The following FUT9 variants were observed in gnomAD, a reference collection of about 807,000 sequenced individuals.
FUT9 encodes the protein 4-galactosyl-N-acetylglucosaminide 3-alpha-L-fucosyltransferase 9.
In FUT9, 15 loss-of-function variants were observed where a neutral mutation model predicts 29.7. That is an observed-to-expected ratio of 0.51 (90% confidence interval 0.34 to 0.78). The LOEUF (loss-of-function observed/expected upper bound fraction) is 0.78, where lower values mean the gene tolerates loss of function less well. Ranked by LOEUF, FUT9 falls within the 30% of genes least tolerant of loss-of-function variation. The pLI, the probability that FUT9 is intolerant of heterozygous loss-of-function variation, is 0.01. For missense variants in FUT9, 319 were observed against 425.4 expected (o/e 0.75, Z 2.20); for synonymous variants, 169 against 153.7 (o/e 1.10, Z -0.74).
intron 1 of FUT9, among the ~76,000 whole-genome samples, chr6:96,056,021 GTCT>G (rs3079047): frequency 0.55 from 82,723 of 151,694 alleles, 22,647 homozygotes; most frequent in South Asian, 0.63. Context: ...TGCATTTGAA[GTCT>G]TCTTCTATTT....
chr6:96,098,165 A>C (rs1178014047), intron 1 of FUT9, among the ~76,000 whole-genome samples: 1 of 152,098 alleles, frequency 6.6e-6, no homozygotes, highest in Non-Finnish European at 1.5e-5. Flanking sequence ...TAGTTATTTT[A>C]GTTGCTTCTT....
At chr6:96,076,477 C>T (rs369614795) in intron 1 of FUT9, among the ~76,000 whole-genome samples, 1 of 152,104 alleles carries the variant, frequency 6.6e-6, no homozygotes, top group Admixed American at 6.6e-5. Flanking sequence ...TTTGAGTTTT[C>T]ACCTAAAATA....
chr6:96,023,612 A>G (rs1194229425), intron 1 of FUT9, among the ~76,000 whole-genome samples: 1 of 151,902 alleles, frequency 6.6e-6, no homozygotes, highest in Non-Finnish European at 1.5e-5. Flanking sequence ...AAAAGCTGGT[A>G]CTGGCACAGT....
At chr6:96,031,051 C>T (rs543813580) in intron 1 of FUT9, among the ~76,000 whole-genome samples, 1 of 151,414 alleles carries the variant, frequency 6.6e-6, no homozygotes, top group East Asian at 2.0e-4. Flanking sequence ...GAACTTGCCA[C>T]TTTAAAAAGA....
intron 1 of FUT9, among the ~76,000 whole-genome samples, chr6:96,029,965 C>T (rs1373258717): frequency 6.6e-6 from 1 of 151,496 alleles, no homozygotes; most frequent in African/African-American, 2.4e-5. Flanking sequence ...TATGGTGCAG[C>T]TAAGAACAGA....
intron 1 of FUT9, among the ~76,000 whole-genome samples, chr6:96,022,697 C>T (rs546294496): frequency 2.3e-4 from 35 of 151,894 alleles, no homozygotes; most frequent in Non-Finnish European, 4.3e-4. Flanking sequence ...ATTTTATAAG[C>T]GAGGTTCATA....
At chr6:96,189,487 T>A (rs1011095692) in intron 2 of FUT9, among the ~76,000 whole-genome samples, 1 of 152,146 alleles carries the variant, frequency 6.6e-6, no homozygotes, top group Non-Finnish European at 1.5e-5. Flanking sequence ...TTAGTGTACA[T>A]CTAATGTTGA....
Position 96,213,889 on chromosome 6 carries a change from T to C in FUT9, c.*9654T>C, listed in dbSNP as rs1448913026. 6.0e-6 allele frequency: 1 copy of C among 166,944 alleles called. No individual in the cohort carries two copies. The highest frequency in any genetic ancestry group is 1.5e-5 in the Non-Finnish European group (1 of 68,026). 10.3% of individuals were successfully genotyped at this position (166,944 alleles called of 1,614,324 possible). A position where few individuals can be genotyped will look rare whatever the true frequency, so the allele number is the denominator to read the frequency against. On this transcript the variant is annotated 3_prime_UTR_variant, in exon 3 of 3. Coordinates refer to ENST00000302103, the MANE Select transcript of FUT9 (RefSeq NM_006581.4). ...TATGACTATATTAAGGTTGTGTTTA[T>C]ATTAGGTGAAAAATTGCATGCAATT... is the stretch of plus-strand genomic sequence containing the variant.
At chr6:96,038,671 T>C (rs551141821) in intron 1 of FUT9, among the ~76,000 whole-genome samples, 1 of 152,312 alleles carries the variant, frequency 6.6e-6, no homozygotes, top group African/African-American at 2.4e-5. Flanking sequence ...GTCCAATCTA[T>C]TCTTCAACAT....
intron 2 of FUT9, among the ~76,000 whole-genome samples, chr6:96,166,971 T>G (rs1025412075): frequency 2.0e-5 from 3 of 152,178 alleles, no homozygotes; most frequent in Non-Finnish European, 2.9e-5. Context: ...TACAGATGCA[T>G]TTTTTAAAAA....
chr6:96,048,454 G>C (rs1373548379), intron 1 of FUT9, among the ~76,000 whole-genome samples: 1 of 152,160 alleles, frequency 6.6e-6, no homozygotes, highest in African/African-American at 2.4e-5. Context: ...TTTGTAGCTT[G>C]AGCTTGAGAA....
rs962667469 is a variant in FUT9, at chr6:96,206,128, A to G, written c.*1893A>G. The G allele has an allele frequency of 3.8e-4, 64 of 167,072 alleles. 1 individual carries two copies. Among genetic ancestry groups the G allele is most frequent in the Non-Finnish European group, 1.5e-4 (10 of 68,114 alleles). The allele number at this position is 167,072 out of a possible 1,614,324, so 10.3% of individuals were successfully genotyped here. A position where few individuals can be genotyped will look rare whatever the true frequency, so the allele number is the denominator to read the frequency against. ...ATGTGCTACTCCGAATGACGTTTGTATGGGTCAATGCTGATTTAATGGGGA... is the reference window on the plus strand; with the variant it reads ...ATGTGCTACTCCGAATGACGTTTGTGTGGGTCAATGCTGATTTAATGGGGA... On this transcript the variant is annotated 3_prime_UTR_variant, in exon 3 of 3. Coordinates refer to ENST00000302103, the MANE Select transcript of FUT9 (RefSeq NM_006581.4).
chr6:96,167,288 C>T (rs76257616), intron 2 of FUT9, among the ~76,000 whole-genome samples: 2,728 of 152,160 alleles, frequency 0.018, 88 homozygotes, highest in African/African-American at 0.061. Context: ...TTGAAAATGT[C>T]TAAATCAAAT....
chr6:96,203,166 C>T lies in FUT9; in HGVS notation c.11C>T (p.Thr4Ile), dbSNP rs1412057817. The T allele has an allele frequency of 6.3e-7, 1 of 1,593,744 alleles. No individual in the cohort carries two copies. The highest frequency in any genetic ancestry group is 8.6e-7 in the Non-Finnish European group (1 of 1,165,640). The stretch of plus-strand genomic sequence containing the variant: ...TTCGTAGGAAAAATTATGACATCAA[C>T]ATCCAAAGGAATTCTTCGCCCATTT... MTS[T>I]SKGILRPFLI... Residue 4 changes from threonine to isoleucine, a missense_variant, in exon 3 of 3, where the codon ACA (threonine) becomes ATA (isoleucine). By Grantham distance (89) the Thr-to-Ile change is moderately conservative. Coordinates refer to ENST00000302103, the MANE Select transcript of FUT9 (RefSeq NM_006581.4).
intron 1 of FUT9, among the ~76,000 whole-genome samples, chr6:96,110,532 T>C (rs898665275): frequency 6.6e-6 from 1 of 152,098 alleles, no homozygotes; most frequent in Admixed American, 6.6e-5. Context: ...TTTCAAAAGA[T>C]ACATCCCCTA....
chr6:96,096,634 A>T (rs1277961213), intron 1 of FUT9, among the ~76,000 whole-genome samples: 1 of 147,908 alleles, frequency 6.8e-6, no homozygotes, highest in Non-Finnish European at 1.5e-5. Flanking sequence ...GTTTTCTCTC[A>T]GCCTCCTTGT....
At chr6:96,024,251 G>A (rs146504001) in intron 1 of FUT9, among the ~76,000 whole-genome samples, 1 of 151,788 alleles carries the variant, frequency 6.6e-6, no homozygotes, top group African/African-American at 2.4e-5. Flanking sequence ...CAACATTCTT[G>A]GATAGGTGCA....
chr6:96,088,430 A>G (rs1771354998), intron 1 of FUT9, among the ~76,000 whole-genome samples: 1 of 151,674 alleles, frequency 6.6e-6, no homozygotes, highest in African/African-American at 2.4e-5. Flanking sequence ...TGTTTATTTA[A>G]ACACTTTTGT....
intron 2 of FUT9, among the ~76,000 whole-genome samples, chr6:96,137,401 CAGA>C (rs1451378268): frequency 6.6e-6 from 1 of 152,022 alleles, no homozygotes; most frequent in Admixed American, 6.6e-5. Context: ...ATGTGTCATA[CAGA>C]AGAATTCCCA....
Sources: gnomAD v4.1 joint callset for allele counts (sites outside exome capture counted in the v4.1 genomes callset) on GRCh38, gnomAD v4.1.1 for gene constraint, MANE v1.5 for transcripts, NCBI Gene and HGNC (gene_info 2026-07-23, HGNC 2026-07-21) for gene names.